The following AGBL4 variants were observed in gnomAD, a reference collection of about 807,000 sequenced individuals.
AGBL4 encodes cytosolic carboxypeptidase 6.
In AGBL4, 58 loss-of-function variants were observed where a neutral mutation model predicts 66.4. The ratio of observed to expected loss-of-function variants is 0.87; its 90% CI spans 0.71 to 1.09. The LOEUF (loss-of-function observed/expected upper bound fraction) is 1.09. AGBL4 is among the 50% of genes least tolerant of loss of function. AGBL4 has a pLI of 0.00. For synonymous variants in AGBL4, 234 were observed against 222.9 expected (o/e 1.05, Z -0.44); for missense variants, 579 against 631.0 (o/e 0.92, Z 0.88).
chr1:48,568,005 T>C (rs1644503061), intron 11 of AGBL4, among the ~76,000 whole-genome samples: 2 of 152,268 alleles, frequency 1.3e-5, no homozygotes, highest in South Asian at 4.2e-4. Context: ...CTATTTGATA[T>C]GCTTTCCTTC....
At chr1:49,948,179 ACTAT>A (rs1655590942) in intron 1 of AGBL4, among the ~76,000 whole-genome samples, 2 of 100,832 alleles carry the variant, frequency 2.0e-5, no homozygotes, top group East Asian at 3.1e-4. Flanking sequence ...AATATATATA[ACTAT>A]ATATAAATAT....
intron 1 of AGBL4, among the ~76,000 whole-genome samples, chr1:49,963,014 G>C (rs2148346899): frequency 6.6e-6 from 1 of 152,176 alleles, no homozygotes; most frequent in South Asian, 2.1e-4. Context: ...CAAAGTGACT[G>C]GTTATCTTCT....
chr1:48,653,586 T>G (rs2148443080), intron 7 of AGBL4, 135 bp from the exon 8 acceptor site: 2 of 645,454 alleles, frequency 3.1e-6, no homozygotes, highest in East Asian at 5.5e-5. Context: ...TGTGGGTGTG[T>G]GGTTATAGAC....
At chr1:48,793,197 A>G (rs897079178) in intron 6 of AGBL4, among the ~76,000 whole-genome samples, 1 of 152,146 alleles carries the variant, frequency 6.6e-6, no homozygotes, top group Non-Finnish European at 1.5e-5. Context: ...ATAATTAATG[A>G]TCTATAAACA....
intron 3 of AGBL4, among the ~76,000 whole-genome samples, chr1:49,680,049 CTTTTTT>C (rs61150148): frequency 8.5e-6 from 1 of 118,086 alleles, no homozygotes; most frequent in Admixed American, 9.3e-5. Context: ...TTCTTCTTCC[CTTTTTT>C]TTTTTTTTTT....
chr1:48,761,267 G>T lies in AGBL4; in HGVS notation c.635-98026C>A, dbSNP rs966056061. On this transcript the variant is annotated intron_variant, in intron 6 of 13. Coordinates refer to ENST00000371839, the MANE Select transcript of AGBL4 (RefSeq NM_032785.4). The stretch of plus-strand genomic sequence containing the variant: ...TTACATGGGGAGAGGAAGCCAGACT[G>T]AAACTCTTTAGCTACGAGATATCTG... 5.5e-6 allele frequency: 8 copies of T among 1,454,608 alleles called. No homozygotes were observed. The South Asian group carries it at 1.1e-4, about 20-fold the overall frequency. 90.1% of individuals were successfully genotyped at this position (1,454,608 alleles called of 1,614,324 possible).
intron 6 of AGBL4, among the ~76,000 whole-genome samples, chr1:48,695,119 C>T (rs981725442): frequency 4.6e-5 from 7 of 152,158 alleles, no homozygotes; most frequent in Non-Finnish European, 1.0e-4. Context: ...GACTCTGTGA[C>T]GGGGCTTTAC....
At chr1:49,018,267 G>A (rs192599470) in intron 5 of AGBL4, among the ~76,000 whole-genome samples, 1 of 152,264 alleles carries the variant, frequency 6.6e-6, no homozygotes, top group Admixed American at 6.5e-5. Context: ...TGGGTTAGAA[G>A]GCACACGTGA....
intron 9 of AGBL4, among the ~76,000 whole-genome samples, chr1:48,626,407 C>T (rs930361545): frequency 3.3e-5 from 5 of 152,212 alleles, no homozygotes; most frequent in Admixed American, 6.5e-5. Flanking sequence ...TGGAAACTAA[C>T]GTTTATGGAG....
intron 3 of AGBL4, among the ~76,000 whole-genome samples, chr1:49,505,278 T>A (rs1052571925): frequency 6.6e-6 from 1 of 152,050 alleles, no homozygotes; most frequent in African/African-American, 2.4e-5. Context: ...ACTATTACAG[T>A]ATTTTAGTAT....
intron 5 of AGBL4, among the ~76,000 whole-genome samples, chr1:49,023,872 T>G (rs569339800): frequency 2.6e-5 from 4 of 152,290 alleles, no homozygotes; most frequent in African/African-American, 9.6e-5. Context: ...GGACATTACC[T>G]CAATGATTTT....
At chr1:48,846,421 G>GAAAGAA (rs796582660) in intron 6 of AGBL4, among the ~76,000 whole-genome samples, 1 of 144,602 alleles carries the variant, frequency 6.9e-6, no homozygotes, top group Non-Finnish European at 1.5e-5. Flanking sequence ...AAGAAAGAAA[G>GAAAGAA]AAATTCATTT....
At chr1:49,065,878 T>G (rs540901528) in intron 4 of AGBL4, among the ~76,000 whole-genome samples, 1 of 152,264 alleles carries the variant, frequency 6.6e-6, no homozygotes, top group South Asian at 2.1e-4. Flanking sequence ...GGAATCCTAG[T>G]TCTAGGTGTG....
intron 6 of AGBL4, among the ~76,000 whole-genome samples, chr1:48,825,211 C>T (rs1422164105): frequency 6.6e-6 from 1 of 152,130 alleles, no homozygotes; most frequent in Non-Finnish European, 1.5e-5. Context: ...GGAATTGCTG[C>T]GGAGGCCAGG....
intron 12 of AGBL4, among the ~76,000 whole-genome samples, chr1:48,537,978 G>T (rs1644000964): frequency 1.3e-5 from 2 of 152,170 alleles, no homozygotes; most frequent in Non-Finnish European, 2.9e-5. Flanking sequence ...TTTCCTGAGT[G>T]AATGAATGAA....
intron 5 of AGBL4, among the ~76,000 whole-genome samples, chr1:48,940,159 C>T (rs1473002625): frequency 1.3e-5 from 2 of 152,186 alleles, no homozygotes; most frequent in African/African-American, 2.4e-5. Flanking sequence ...GTGGGCAGAT[C>T]ACGAGGTCAG....
At chr1:48,794,924 T>C (rs755071687) in intron 6 of AGBL4, among the ~76,000 whole-genome samples, 2 of 152,202 alleles carry the variant, frequency 1.3e-5, no homozygotes, top group Non-Finnish European at 1.5e-5. Context: ...CTTCAAACTT[T>C]TGAGAAGCCT....
intron 1 of AGBL4, among the ~76,000 whole-genome samples, chr1:49,957,665 G>C (rs2148336220): frequency 6.6e-6 from 1 of 152,046 alleles, no homozygotes; most frequent in Middle Eastern, 3.4e-3. Context: ...TGTTTTATCA[G>C]AGACTAGGAT....
intron 3 of AGBL4, chr1:49,527,354 G>C (rs563118889): frequency 1.3e-5 from 2 of 152,210 alleles, no homozygotes; most frequent in Non-Finnish European, 2.9e-5. Context: ...AGCCCTATCC[G>C]TATCAGAAAT....
Sources: allele counts gnomAD v4.1 joint callset (sites outside exome capture counted in the v4.1 genomes callset), GRCh38; gene constraint gnomAD v4.1.1; transcripts MANE v1.5; gene names NCBI Gene and HGNC (gene_info 2026-07-23, HGNC 2026-07-21).